Variants in LOXHD1 observed in about 807,000 individuals in gnomAD.
LOXHD1 encodes the protein lipoxygenase homology PLAT domains 1.
LOXHD1 carries 205 observed loss-of-function variants against 248.2 expected under a neutral mutation model. That is an observed-to-expected ratio of 0.83 (90% CI 0.74 to 0.93). The LOEUF (loss-of-function observed/expected upper bound fraction) is 0.93, where lower values mean the gene tolerates loss of function less well. Ranked by LOEUF, LOXHD1 falls within the 40% of genes least tolerant of loss-of-function variation. The probability of loss-of-function intolerance (pLI) is 0.00; values close to 1 mark genes in which losing one functional copy is unlikely to be tolerated. For missense variants in LOXHD1, 2,930 were observed against 2,971.6 expected, an observed-to-expected ratio of 0.99 and a Z score of 0.33; for synonymous variants, 1,113 against 1,162.8, an observed-to-expected ratio of 0.96 and a Z score of 0.87.
chr18:46,623,445 C>T (rs1311748920), intron 4 of LOXHD1, among the ~76,000 whole-genome samples: 2 of 152,188 alleles, frequency 1.3e-5, no homozygotes, highest in Non-Finnish European at 2.9e-5. Context: ...ACACATGGTA[C>T]CTTTCAAAGC....
intron 3 of LOXHD1, among the ~76,000 whole-genome samples, chr18:46,640,658 C>T (rs184973211): frequency 6.6e-6 from 1 of 152,232 alleles, no homozygotes; most frequent in East Asian, 1.9e-4. Flanking sequence ...ACTAAGGCTT[C>T]AAAAATCTGC....
intron 28 of LOXHD1, among the ~76,000 whole-genome samples, 191 bp downstream of exon 28, chr18:46,532,971 A>G (rs2036140158): frequency 2.0e-5 from 3 of 152,240 alleles, no homozygotes; most frequent in Non-Finnish European, 2.9e-5. Flanking sequence ...TAGCTCGGCC[A>G]TCTATTAGCT....
chr18:46,572,239 G>A (rs2037766546), intron 14 of LOXHD1, 77 bp from the exon 15 acceptor site: 11 of 1,286,608 alleles, frequency 8.5e-6, no homozygotes, highest in Non-Finnish European at 1.2e-5. Context: ...TTCATGCAGA[G>A]TCACTATGGA....
intron 5 of LOXHD1, 57 bp from the exon 6 acceptor site, chr18:46,610,981 A>T: frequency 6.5e-7 from 1 of 1,539,408 alleles, no homozygotes; most frequent in Middle Eastern, 1.7e-4. Context: ...AAGAATTTCC[A>T]AGCCTTCATG....
chr18:46,523,805 GTGAAAA>G (rs2035695428), intron 31 of LOXHD1, among the ~76,000 whole-genome samples: 2 of 152,098 alleles, frequency 1.3e-5, no homozygotes, highest in African/African-American at 4.8e-5. Flanking sequence ...CATTTACAGA[GTGAAAA>G]GGTAAACTGC....
rs1006431709 is a variant in LOXHD1, at chr18:46,524,809, T to G, written c.4639A>C (p.Ile1547Leu). ...CADWYVEKVE[I>L]WNDTNEDEFL... ...TCGTCCTCGTTGGTGTCATTCCAGA[T>G]CTCCACCTTCTCCACGTACCAGTCT... is the stretch of plus-strand genomic sequence containing the variant. The change falls in exon 30 of 41, where the codon ATC becomes CTC. Residue 1547 changes from isoleucine to leucine, a missense_variant. By Grantham distance (5) the Ile-to-Leu change is conservative. Coordinates refer to ENST00000642948, the MANE Select transcript of LOXHD1 (RefSeq NM_001384474.1). 6.4e-7 allele frequency: 1 copy of G among 1,551,762 alleles called. No individual in the cohort carries two copies. The highest frequency in any genetic ancestry group is 8.7e-7 in the Non-Finnish European group (1 of 1,147,012).
At chr18:46,565,727 C>T (rs1391114873) in intron 17 of LOXHD1, among the ~76,000 whole-genome samples, 2 of 152,090 alleles carry the variant, frequency 1.3e-5, no homozygotes, top group African/African-American at 4.8e-5. Context: ...AAGGTAAATG[C>T]TATATAAATA....
At chr18:46,641,882 G>C in intron 3 of LOXHD1, 74 bp downstream of exon 3, 1 of 1,416,340 alleles carries the variant, frequency 7.1e-7, no homozygotes, top group Non-Finnish European at 9.7e-7. Context: ...TTCATACCCA[G>C]AAATTGTCAA....
rs151153806 is a variant in LOXHD1 at position 46,504,642 on chromosome 18, G to A, written c.5878+1196C>T. Among the ~76,000 whole-genome samples, 483 of 152,298 alleles carry A rather than the reference G, an allele frequency of 3.2e-3. 2 individuals are homozygous for A. Among genetic ancestry groups the A allele is most frequent in the African/African-American group, 0.011 (471 of 41,580 alleles). On this transcript the variant is annotated intron_variant, in intron 37 of 40. Coordinates refer to ENST00000642948, the MANE Select transcript of LOXHD1 (RefSeq NM_001384474.1). ...AAAAAATTTTAACTGTTTAATCCACGTTAAAGCAAAATAGCTTAGCTCCTA... is the reference window on the plus strand; with the variant it reads ...AAAAAATTTTAACTGTTTAATCCACATTAAAGCAAAATAGCTTAGCTCCTA...
At chr18:46,611,025 A>G (rs2038500487) in intron 5 of LOXHD1, 101 bp from the exon 6 acceptor site, 2 of 1,367,984 alleles carry the variant, frequency 1.5e-6, no homozygotes, top group Non-Finnish European at 2.0e-6. Context: ...TCCAAAGTTA[A>G]CAAGGGCAAC....
At chr18:46,534,244 T>C in intron 27 of LOXHD1, 91 bp downstream of exon 27, 2 of 818,900 alleles carry the variant, frequency 2.4e-6, no homozygotes, top group South Asian at 3.2e-5. Flanking sequence ...ATAAGGCTGA[T>C]CTAGCCAGTA....
In LOXHD1 at chr18:46,564,099, T is replaced by A. The variant is rs981475152; in HGVS notation, c.2438-874A>T. ...GAAGGAGGGGGAGAGAGAGAGTGTGTGTGTGTGTGTGTGTGTGTGCACGCA... is the reference window on the plus strand; with the variant it reads ...GAAGGAGGGGGAGAGAGAGAGTGTGAGTGTGTGTGTGTGTGTGTGCACGCA... On this transcript the variant is annotated intron_variant, in intron 17 of 40. Transcript: ENST00000642948. Among the ~76,000 whole-genome samples, 308 of 145,892 alleles carry A rather than the reference T, an allele frequency of 2.1e-3. 2 individuals are homozygous for A. The highest frequency in any genetic ancestry group is 7.3e-3 in the African/African-American group (300 of 40,948).
At chr18:46,628,776 T>C (rs1207576840) in intron 4 of LOXHD1, among the ~76,000 whole-genome samples, 1 of 152,244 alleles carries the variant, frequency 6.6e-6, no homozygotes, top group Non-Finnish European at 1.5e-5. Flanking sequence ...GCATTGACTC[T>C]GTGCCTCGGC....
rs530173669 is a variant in LOXHD1 at position 46,496,144 on chromosome 18, T to C, written c.5879-7002A>G. Among the ~76,000 whole-genome samples the C allele has an allele frequency of 4.6e-5, 7 of 152,296 alleles. No individual in the cohort carries two copies. The South Asian group carries it at 1.5e-3, about 32-fold the overall frequency. On this transcript the variant is annotated intron_variant, in intron 37 of 40. Transcript: ENST00000642948. Reference sequence around the variant, plus strand: ...AAAAAATTTTAAAAGGTATGAACAATACAGCTGGTGTGACAACTTTCAATA... The same window carrying C: ...AAAAAATTTTAAAAGGTATGAACAACACAGCTGGTGTGACAACTTTCAATA...
intron 4 of LOXHD1, among the ~76,000 whole-genome samples, chr18:46,627,931 T>G (rs1382368758): frequency 6.6e-6 from 1 of 152,222 alleles, no homozygotes; most frequent in Non-Finnish European, 1.5e-5. Context: ...CTCTCCCGTC[T>G]AGACTCTAAG....
intron 12 of LOXHD1, among the ~76,000 whole-genome samples, chr18:46,591,325 C>G (rs1001166111): frequency 6.6e-6 from 1 of 152,172 alleles, no homozygotes; most frequent in East Asian, 1.9e-4. Context: ...TCATTTCAGA[C>G]TCATGGGAGA....
chr18:46,579,589 T>C (rs771115724), intron 13 of LOXHD1, 41 bp downstream of exon 13: 8 of 1,551,158 alleles, frequency 5.2e-6, no homozygotes, highest in Non-Finnish European at 6.1e-6. Context: ...GGAAGGGAAC[T>C]GGGAGGAAGG....
At chr18:46,569,670 A>G in intron 15 of LOXHD1, 32 bp from the exon 16 acceptor site, 1 of 1,529,926 alleles carries the variant, frequency 6.5e-7, no homozygotes, top group Non-Finnish European at 8.9e-7. Context: ...GAGGAAGGGA[A>G]GGGGTTAGTG....
At chr18:46,486,891 C>G (rs2033095965) in intron 38 of LOXHD1, among the ~76,000 whole-genome samples, 1 of 152,190 alleles carries the variant, frequency 6.6e-6, no homozygotes, top group South Asian at 2.1e-4. Context: ...CTAGTCACAT[C>G]TGTGGTCTTT....
Sources: allele counts gnomAD v4.1 joint callset (sites outside exome capture counted in the v4.1 genomes callset), GRCh38; gene constraint gnomAD v4.1.1; transcripts MANE v1.5; gene names NCBI Gene and HGNC (gene_info 2026-07-23, HGNC 2026-07-21).